PTPRR: variants seen among roughly 807,000 people sequenced by gnomAD.
The protein encoded by PTPRR is protein tyrosine phosphatase receptor type R.
In PTPRR, 38 loss-of-function variants were observed where a neutral mutation model predicts 77.2. The ratio of observed to expected loss-of-function variants is 0.49; its 90% CI spans 0.38 to 0.65. The LOEUF is 0.65. PTPRR is among the 30% of genes least tolerant of loss of function. The pLI, the probability that PTPRR is intolerant of heterozygous loss-of-function variation, is 0.00. For missense variants in PTPRR, 744 were observed against 799.2 expected (o/e 0.93, Z 0.83); for synonymous variants, 299 against 283.1 (o/e 1.06, Z -0.57).
At chr12:70,682,034 C>CTTTTTTT (rs578204454) in intron 10 of PTPRR, among the ~76,000 whole-genome samples, 1 of 62,690 alleles carries the variant, frequency 1.6e-5, no homozygotes, top group African/African-American at 6.0e-5. Flanking sequence ...TTGTTGTTCA[C>CTTTTTTT]TTTTTTTTTT....
intron 2 of PTPRR, among the ~76,000 whole-genome samples, chr12:70,782,325 C>A (rs151245479): frequency 1.0e-3 from 154 of 152,160 alleles, no homozygotes; most frequent in African/African-American, 3.6e-3. Flanking sequence ...TTGACCCAGC[C>A]ATCCCATTAC....
intron 9 of PTPRR, 38 bp from the exon 10 acceptor site, chr12:70,684,302 G>A (rs752916631): frequency 1.3e-6 from 2 of 1,591,918 alleles, no homozygotes; most frequent in Admixed American, 1.7e-5. Flanking sequence ...TGGTTTTTAA[G>A]TTCATGCCTT....
chr12:70,764,544 C>G, intron 3 of PTPRR, 121 bp downstream of exon 3: 1 of 763,470 alleles, frequency 1.3e-6, no homozygotes. Context: ...ATTTTATTTG[C>G]AAAAACATGA....
chr12:70,785,468 G>C lies in PTPRR; in HGVS notation c.358-20690C>G, dbSNP rs572762081. Among the ~76,000 whole-genome samples the C allele has an allele frequency of 7.9e-5, 12 of 152,076 alleles. No homozygotes were observed. The South Asian group carries it at 2.5e-3, about 32-fold the overall frequency. ...TTTAGAAATTACATGAAGAACTTTT[G>C]TATATTGTTCTGGAAACTTTAAATT... On this transcript the variant is annotated intron_variant, in intron 2 of 13. Coordinates refer to ENST00000283228, the MANE Select transcript of PTPRR (RefSeq NM_002849.4).
intron 8 of PTPRR, among the ~76,000 whole-genome samples, chr12:70,689,694 G>A (rs1388179746): frequency 1.3e-5 from 2 of 152,098 alleles, no homozygotes; most frequent in South Asian, 2.1e-4. Flanking sequence ...TCTCATGGAG[G>A]AGGTTCCCTG....
intron 2 of PTPRR, among the ~76,000 whole-genome samples, chr12:70,795,790 T>C (rs1279411450): frequency 6.6e-6 from 1 of 152,112 alleles, no homozygotes; most frequent in Non-Finnish European, 1.5e-5. Flanking sequence ...TTGATGTGCA[T>C]ACTTTACGGT....
intron 1 of PTPRR, among the ~76,000 whole-genome samples, chr12:70,903,694 A>T (rs1438256970): frequency 6.6e-6 from 1 of 151,894 alleles, no homozygotes; most frequent in Non-Finnish European, 1.5e-5. Flanking sequence ...CTTGGACATG[A>T]CATCAAAATC....
At chr12:70,801,439 AAAC>A (rs1318739842) in intron 2 of PTPRR, among the ~76,000 whole-genome samples, 1 of 152,178 alleles carries the variant, frequency 6.6e-6, no homozygotes, top group Non-Finnish European at 1.5e-5. Context: ...GAAAGCCTGA[AAAC>A]AACAAAAGAC....
At chr12:70,907,025 C>A (rs1278943209) in intron 1 of PTPRR, 1 of 152,204 alleles carries the variant, frequency 6.6e-6, no homozygotes, top group Non-Finnish European at 1.5e-5. Context: ...TTAAAGAAAA[C>A]TAAAATAAAA....
chr12:70,826,170 T>C (rs1892105188), intron 2 of PTPRR, among the ~76,000 whole-genome samples: 1 of 152,118 alleles, frequency 6.6e-6, no homozygotes, highest in South Asian at 2.1e-4. Context: ...GCAAGAGAAA[T>C]ATCAGTGTTA....
At chr12:70,764,598 C>T (rs1032239476) in intron 3 of PTPRR, 67 bp downstream of exon 3, 1 of 1,273,828 alleles carries the variant, frequency 7.9e-7, no homozygotes, top group East Asian at 2.3e-5. Context: ...TAGCATGAGC[C>T]CTTTAGTGAT....
intron 2 of PTPRR, among the ~76,000 whole-genome samples, chr12:70,822,227 C>T (rs1892028713): frequency 6.6e-6 from 1 of 152,058 alleles, no homozygotes; most frequent in Non-Finnish European, 1.5e-5. Flanking sequence ...TGGTATAAAA[C>T]CTGAACAGTC....
At chr12:70,821,743 C>T (rs772346925) in intron 2 of PTPRR, among the ~76,000 whole-genome samples, 2 of 151,952 alleles carry the variant, frequency 1.3e-5, no homozygotes, top group African/African-American at 4.8e-5. Flanking sequence ...CTCACCACTG[C>T]AAGCTCCGCC....
chr12:70,910,061 T>A (rs1893678427), intron 1 of PTPRR, among the ~76,000 whole-genome samples: 1 of 152,240 alleles, frequency 6.6e-6, no homozygotes, highest in Non-Finnish European at 1.5e-5. Context: ...TGATTTTTTT[T>A]AATAGGTCAA....
At chr12:70,822,432 C>T (rs1476793550) in intron 2 of PTPRR, among the ~76,000 whole-genome samples, 2 of 152,050 alleles carry the variant, frequency 1.3e-5, no homozygotes, top group Non-Finnish European at 2.9e-5. Context: ...AATTTTCTCT[C>T]AAATAAAAAA....
chr12:70,645,316 A>C (rs1368991512), intron 13 of PTPRR, among the ~76,000 whole-genome samples: 1 of 152,220 alleles, frequency 6.6e-6, no homozygotes, highest in Non-Finnish European at 1.5e-5. Flanking sequence ...ATAAGGCTTC[A>C]AGTTTTACAA....
intron 9 of PTPRR, 96 bp from the exon 10 acceptor site, chr12:70,684,360 T>C (rs1887783568): frequency 1.5e-6 from 2 of 1,324,466 alleles, no homozygotes; most frequent in Non-Finnish European, 2.1e-6. Context: ...GCTGGGCTAG[T>C]ACAAAAGCAA....
At chr12:70,813,936 G>C (rs1891854972) in intron 2 of PTPRR, among the ~76,000 whole-genome samples, 1 of 152,150 alleles carries the variant, frequency 6.6e-6, no homozygotes, top group Non-Finnish European at 1.5e-5. Flanking sequence ...AACCAGAAAA[G>C]AACACGGGGA....
At chr12:70,893,023 T>C in intron 1 of PTPRR, 46 bp from the exon 2 acceptor site, 2 of 1,569,510 alleles carry the variant, frequency 1.3e-6, no homozygotes, top group Non-Finnish European at 8.7e-7. Flanking sequence ...CCCTATTCAG[T>C]AAGAGAGGTA....
Sources: allele counts gnomAD v4.1 joint callset (sites outside exome capture counted in the v4.1 genomes callset), GRCh38; gene constraint gnomAD v4.1.1; transcripts MANE v1.5; gene names NCBI Gene and HGNC (gene_info 2026-07-23, HGNC 2026-07-21).